THAP5: variants seen among roughly 807,000 people sequenced by gnomAD.
THAP5 encodes THAP domain-containing protein 5.
THAP5 carries 26 observed loss-of-function variants against 34.0 expected under a neutral mutation model. The observed-to-expected ratio is 0.77, with a 90% confidence interval of 0.56 to 1.06. The LOEUF (loss-of-function observed/expected upper bound fraction) is 1.06. Among genes scored for constraint, THAP5 ranks in the 50% least tolerant of loss-of-function variants. The probability of loss-of-function intolerance (pLI) is 0.00; values close to 1 mark genes in which losing one functional copy is unlikely to be tolerated. For missense variants in THAP5, 394 were observed against 452.8 expected (o/e 0.87, Z 1.18); for synonymous variants, 125 against 153.0 (o/e 0.82, Z 1.35).
intron 1 of THAP5, among the ~76,000 whole-genome samples, chr7:108,556,493 C>T (rs1864386811): frequency 6.6e-6 from 1 of 152,186 alleles, no homozygotes; most frequent in African/African-American, 2.4e-5. Context: ...AACAAAAGGG[C>T]TACAAGCTCC....
At position 108,563,667 on chromosome 7, in the gene THAP5, T is replaced by A. The variant is rs552415944; in HGVS notation, c.*524A>T. 6.6e-6 allele frequency: 1 copy of A among 151,132 alleles called. No homozygotes were observed. Among genetic ancestry groups the A allele is most frequent in the East Asian group, 2.0e-4 (1 of 5,086 alleles). 9.4% of individuals were successfully genotyped at this position (151,132 alleles called of 1,614,324 possible). A position where few individuals can be genotyped will look rare whatever the true frequency, so the allele number is the denominator to read the frequency against. On this transcript the variant is annotated 3_prime_UTR_variant, in exon 3 of 3. Coordinates refer to ENST00000415914, the MANE Select transcript of THAP5 (RefSeq NM_001130475.3). ...TTCAATAAATACTGAAAATAATACA[T>A]GGTTAATATCATCAAATTCTAGCCA...
At chr7:108,548,714 C>T in the THAP5 span, among the ~76,000 whole-genome samples, 1 of 152,092 alleles carries the variant, frequency 6.6e-6, no homozygotes, top group East Asian at 1.9e-4. Context: ...AGGGGAACTC[C>T]CCTTTATAAA....
downstream of THAP5, among the ~76,000 whole-genome samples, chr7:108,552,263 C>CT (rs772607721): frequency 4.9e-4 from 75 of 151,560 alleles, no homozygotes; most frequent in Admixed American, 2.0e-3. Context: ...AACCAATCCT[C>CT]TTTTTTTTTA....
At chr7:108,565,680 C>A in intron 2 of THAP5, 150 bp downstream of exon 2, 1 of 537,138 alleles carries the variant, frequency 1.9e-6, no homozygotes, top group Non-Finnish European at 3.0e-6. Context: ...TTTTAATTAT[C>A]ACTTTTAGTA....
At position 108,569,610 on chromosome 7, in the gene THAP5, T is replaced by C; in HGVS notation, c.-41A>G. ...CCTGGAGACCGGGGCCGGCGACGGA[T>C]GCAGGGCGGCCCTCCTCACTGAGGA... On this transcript the variant is annotated 5_prime_UTR_variant, in exon 1 of 3. Transcript: ENST00000415914. The C allele has an allele frequency of 1.9e-6, 3 of 1,548,150 alleles. No individual in the cohort carries two copies. Among genetic ancestry groups the C allele is most frequent in the Non-Finnish European group, 2.6e-6 (3 of 1,146,760 alleles).
At chr7:108,549,127 C>A in the THAP5 span, among the ~76,000 whole-genome samples, 1 of 125,856 alleles carries the variant, frequency 7.9e-6, no homozygotes, top group Non-Finnish European at 1.7e-5. Flanking sequence ...CACACACACA[C>A]AAGTACTTTT....
chr7:108,549,311 G>A, the THAP5 span, among the ~76,000 whole-genome samples: 45,596 of 151,830 alleles, frequency 0.3, 7,289 homozygotes, highest in Non-Finnish European at 0.36. Flanking sequence ...TAGTAGAGAC[G>A]GGGTTTCACC....
downstream of THAP5, among the ~76,000 whole-genome samples, chr7:108,557,508 G>A (rs576746153): frequency 1.3e-5 from 2 of 152,170 alleles, no homozygotes; most frequent in East Asian, 1.9e-4. Flanking sequence ...TTCAAAGGTC[G>A]ACAGATCCCT....
At position 108,562,908 on chromosome 7, in the gene THAP5, ATAAAATATACG is replaced by A. The variant is rs1156806172; in HGVS notation, c.*1272_*1282del. The A allele has an allele frequency of 6.6e-6, 1 of 152,192 alleles. No homozygotes were observed. The highest frequency in any genetic ancestry group is 1.5e-5 in the Non-Finnish European group (1 of 68,020). The allele number at this position is 152,192 out of a possible 1,614,324, so 9.4% of individuals were successfully genotyped here. ...TATAATTTCTTGCTTATAAATTTTA[ATAAAATATACG>A]TAAGTGGGAATGTACAGTATTAAGT... On this transcript the variant is annotated 3_prime_UTR_variant, in exon 3 of 3. Coordinates refer to ENST00000415914, the MANE Select transcript of THAP5 (RefSeq NM_001130475.3).
downstream of THAP5, among the ~76,000 whole-genome samples, chr7:108,557,242 G>A (rs1204628426): frequency 6.6e-6 from 1 of 152,312 alleles, no homozygotes; most frequent in East Asian, 1.9e-4. Flanking sequence ...ATTAGCATTT[G>A]GTTCTTCTTC....
the THAP5 span, among the ~76,000 whole-genome samples, chr7:108,542,075 CAA>C: frequency 2.6e-5 from 4 of 152,238 alleles, no homozygotes; most frequent in African/African-American, 7.2e-5. Context: ...TAAATTCAAA[CAA>C]ATGTTTTGGC....
At chr7:108,561,010 A>T (rs1416687209), downstream of THAP5, among the ~76,000 whole-genome samples, 2 of 152,122 alleles carry the variant, frequency 1.3e-5, no homozygotes, top group Non-Finnish European at 2.9e-5. Flanking sequence ...TTGAGATTAC[A>T]GGTGTGAGCC....
At chr7:108,555,698 TTTTC>T (rs1211149782) in intron 1 of THAP5, among the ~76,000 whole-genome samples, 3 of 127,446 alleles carry the variant, frequency 2.4e-5, no homozygotes, top group Non-Finnish European at 4.9e-5. Context: ...GCAAGCACCT[TTTTC>T]TTTTTTTTTT....
chr7:108,560,119 CAT>C (rs1178382058), downstream of THAP5, among the ~76,000 whole-genome samples: 1 of 152,148 alleles, frequency 6.6e-6, no homozygotes, highest in Non-Finnish European at 1.5e-5. Flanking sequence ...TATAAGATTA[CAT>C]GTTGTCTTGT....
At position 108,564,410 on chromosome 7, in the gene THAP5, A is replaced by G; in HGVS notation, c.969T>C (p.Ser323=). 6.2e-7 allele frequency: 1 copy of G among 1,613,886 alleles called. No individual in the cohort carries two copies. Among genetic ancestry groups the G allele is most frequent in the Admixed American group, 1.7e-5 (1 of 60,024 alleles). Residue 323 remains serine (S), a synonymous_variant, in exon 3 of 3, where the codon TCT becomes TCC. Transcript: ENST00000415914. ...YGTEVLQIEH[S]YCRQDINKEH... Reference sequence around the variant, plus strand: ...CCTTATTTATATCTTGTCTGCAGTAAGAATGTTCGATTTGTAAAACTTCTG... The same window carrying G: ...CCTTATTTATATCTTGTCTGCAGTAGGAATGTTCGATTTGTAAAACTTCTG...
downstream of THAP5, among the ~76,000 whole-genome samples, chr7:108,553,455 T>C (rs1220661682): frequency 6.6e-6 from 1 of 152,228 alleles, no homozygotes; most frequent in Non-Finnish European, 1.5e-5. Context: ...CTCCCAACTA[T>C]ATTTTGCCTA....
chr7:108,565,162 T>A, intron 2 of THAP5, 57 bp from the exon 3 acceptor site: 1 of 1,327,692 alleles, frequency 7.5e-7, no homozygotes, highest in Non-Finnish European at 1.0e-6. Flanking sequence ...CTTATTATGC[T>A]AGTGCTATTT....
chr7:108,551,829 C>A (rs1477556497), downstream of THAP5, among the ~76,000 whole-genome samples: 3 of 152,344 alleles, frequency 2.0e-5, no homozygotes, highest in East Asian at 5.8e-4. Flanking sequence ...GGAAAAGTTT[C>A]TAAAACTTCC....
At chr7:108,558,367 A>G (rs1028149406), downstream of THAP5, among the ~76,000 whole-genome samples, 25 of 104,386 alleles carry the variant, frequency 2.4e-4, no homozygotes, top group Admixed American at 8.3e-4. Flanking sequence ...ATATATGTAT[A>G]TGTGTGTGTG....
Sources: allele counts gnomAD v4.1 joint callset (sites outside exome capture counted in the v4.1 genomes callset), GRCh38; gene constraint gnomAD v4.1.1; transcripts MANE v1.5; gene names NCBI Gene and HGNC (gene_info 2026-07-23, HGNC 2026-07-21).